Variants in NECAB2 observed in about 807,000 individuals in gnomAD.
NECAB2 encodes the protein N-terminal EF-hand calcium binding protein 2.
A neutral mutation model predicts 51.9 loss-of-function variants in NECAB2; 68 were observed. That is an observed-to-expected ratio of 1.31 (90% CI 1.08 to 1.60). The LOEUF (loss-of-function observed/expected upper bound fraction) is 1.60, where lower values mean the gene tolerates loss of function less well. Ranked by LOEUF, NECAB2 falls within the 40% of genes most tolerant of loss-of-function variation. NECAB2 has a pLI of 0.00. For synonymous variants in NECAB2, 329 were observed against 203.5 expected (o/e 1.62, Z -5.25); for missense variants, 854 against 490.3 (o/e 1.74, Z -7.00).
Position 83,995,646 on chromosome 16 carries a change from T to C in NECAB2, c.795+958T>C, listed in dbSNP as rs548306122. Among the ~76,000 whole-genome samples the C allele has an allele frequency of 3.9e-5, 6 of 152,264 alleles. No homozygotes were observed. The East Asian group carries it at 9.6e-4, about 24-fold the overall frequency. ...GGTGGTTTTATGTTTCTCCTACTTT[T>C]GTGTATTTTTTTTACACCCTTTGTA... On this transcript the variant is annotated intron_variant, in intron 8 of 12. Coordinates refer to ENST00000305202, the MANE Select transcript of NECAB2 (RefSeq NM_019065.3).
rs1415324578 is a variant in NECAB2 at position 84,000,922 on chromosome 16, G to A, written c.1040+121G>A. ...CCGAGTCCAGTCAGCAGATTCCCGA[G>A]GCATCTACCCGCTGGCATGCTTGCG... On this transcript the variant is annotated intron_variant, in intron 11 of 12. Transcript: ENST00000305202. 6 of 950,626 alleles carry A rather than the reference G, an allele frequency of 6.3e-6. No homozygotes were observed. In the Admixed American group the frequency reaches 8.2e-5, roughly 13 times the overall value. The allele number at this position is 950,626 out of a possible 1,614,324, so 58.9% of individuals were successfully genotyped here.
At chr16:84,000,040 C>T (rs1382401995) in intron 10 of NECAB2, among the ~76,000 whole-genome samples, 1 of 148,276 alleles carries the variant, frequency 6.7e-6, no homozygotes, top group African/African-American at 2.6e-5. Flanking sequence ...GGATGTGCCA[C>T]CAGGCCCAGC....
Position 83,975,389 on chromosome 16 carries a change from A to G in NECAB2, c.227-3055A>G, listed in dbSNP as rs538646767. ...AGGTGTGCAGGGGGTGCAGATGTGG[A>G]GGCCGATAGGCCCACAAGCACACAC... On this transcript the variant is annotated intron_variant, in intron 2 of 12. Coordinates refer to ENST00000305202, the MANE Select transcript of NECAB2 (RefSeq NM_019065.3). Among the ~76,000 whole-genome samples the G allele has an allele frequency of 4.3e-4, 65 of 152,068 alleles. 1 individual carries two copies. The highest frequency in any genetic ancestry group is 4.6e-4 in the Admixed American group (7 of 15,274).
intron 8 of NECAB2, 102 bp downstream of exon 8, chr16:83,994,790 A>G: frequency 7.5e-7 from 1 of 1,333,586 alleles, no homozygotes; most frequent in Non-Finnish European, 1.0e-6. Flanking sequence ...CAGAGGGGCC[A>G]GGGAACCATG....
intron 2 of NECAB2, among the ~76,000 whole-genome samples, chr16:83,972,597 C>G (rs541325042): frequency 6.6e-6 from 1 of 152,248 alleles, no homozygotes; most frequent in African/African-American, 2.4e-5. Flanking sequence ...TCGTAGCAAC[C>G]TGAGCAGTCA....
At chr16:83,996,998 G>C (rs2084710859) in intron 8 of NECAB2, among the ~76,000 whole-genome samples, 1 of 150,482 alleles carries the variant, frequency 6.6e-6, no homozygotes, top group African/African-American at 2.5e-5. Flanking sequence ...AGTCCCCCTT[G>C]CTGCCTCTCC....
chr16:83,988,145 T>G (rs1328413303), intron 5 of NECAB2, among the ~76,000 whole-genome samples: 1 of 152,238 alleles, frequency 6.6e-6, no homozygotes, highest in African/African-American at 2.4e-5. Flanking sequence ...TGGACCTTGT[T>G]TAATCAGATC....
intron 8 of NECAB2, among the ~76,000 whole-genome samples, chr16:83,995,877 T>C (rs964873044): frequency 1.7e-4 from 26 of 152,182 alleles, no homozygotes; most frequent in African/African-American, 6.3e-4. Context: ...GGGGACCCCG[T>C]GGCCCGGTTG....
chr16:83,968,949 C>G, intron 1 of NECAB2, 100 bp downstream of exon 1: 1 of 769,284 alleles, frequency 1.3e-6, no homozygotes, highest in Non-Finnish European at 1.6e-6. Context: ...CCGCGAGGCC[C>G]TCCCTACCCG....
At chr16:83,979,427 C>T (rs547337370) in intron 3 of NECAB2, among the ~76,000 whole-genome samples, 35 of 152,256 alleles carry the variant, frequency 2.3e-4, no homozygotes, top group Admixed American at 7.8e-4. Flanking sequence ...CCAGAGGCTG[C>T]GGCTGAGAGA....
intron 5 of NECAB2, among the ~76,000 whole-genome samples, chr16:83,985,487 G>C (rs2084541861): frequency 6.6e-6 from 1 of 151,366 alleles, no homozygotes; most frequent in Non-Finnish European, 1.5e-5. Flanking sequence ...ACAAAAATTA[G>C]CTGGGCGTGG....
At position 83,996,608 on chromosome 16, in the gene NECAB2, C is replaced by T. The variant is rs527740317; in HGVS notation, c.796-608C>T. ...TGAGCCTGTGCGTCAGGTAGACACA[C>T]TGGGTTCAGACCCACGCTCTGACAC... On this transcript the variant is annotated intron_variant, in intron 8 of 12. Coordinates refer to ENST00000305202, the MANE Select transcript of NECAB2 (RefSeq NM_019065.3). Among the ~76,000 whole-genome samples, 3 of 150,616 alleles carry T rather than the reference C, an allele frequency of 2.0e-5. No homozygotes were observed. The East Asian group carries it at 5.8e-4, about 29-fold the overall frequency.
At position 83,968,770 on chromosome 16, in the gene NECAB2, C is replaced by A; in HGVS notation, c.122C>A (p.Pro41His). ...TGGGTGGGCGCCAGGATGGGCGAGC[C>A]CCGGGAGTCGCTGGCCCCCGCCGCC... ...LRWVGARMGEPRESLAPAAPA... is the reference protein window; with the variant it reads ...LRWVGARMGEHRESLAPAAPA... The change falls in exon 1 of 13, where the codon CCC (proline) becomes CAC (histidine). Residue 41 changes from proline to histidine, a missense_variant. Pro to His is a moderately conservative substitution (Grantham distance 77). Coordinates refer to ENST00000305202, the MANE Select transcript of NECAB2 (RefSeq NM_019065.3). The A allele has an allele frequency of 1.8e-6, 2 of 1,099,126 alleles. No individual in the cohort carries two copies. Among genetic ancestry groups the A allele is most frequent in the Non-Finnish European group, 2.2e-6 (2 of 904,804 alleles). The allele number at this position is 1,099,126 out of a possible 1,614,324, so 68.1% of individuals were successfully genotyped here.
intron 3 of NECAB2, among the ~76,000 whole-genome samples, chr16:83,980,591 A>G (rs942472626): frequency 6.6e-6 from 1 of 151,874 alleles, no homozygotes; most frequent in Admixed American, 6.6e-5. Context: ...TCATTTATTC[A>G]TGATGGGGTC....
chr16:83,998,376 A>T (rs533602372), intron 10 of NECAB2, 59 bp downstream of exon 10: 1 of 1,522,956 alleles, frequency 6.6e-7, no homozygotes, highest in African/African-American at 1.4e-5. Context: ...CTGGCAGTGG[A>T]GGAACAGGGC....
rs372726634 is a variant in NECAB2, at chr16:83,998,357, G to T, written c.962+40G>T. ...GAGGCGTGGGTGGGATGGTGGCAGG[G>T]AGCTCTGCCTGGCAGTGGAGGAACA... On this transcript the variant is annotated intron_variant, in intron 10 of 12. Transcript: ENST00000305202. 1.8e-5 allele frequency: 29 copies of T among 1,590,758 alleles called. No individual in the cohort carries two copies. The African/African-American group carries it at 2.4e-4, about 13-fold the overall frequency.
chr16:83,979,134 C>G (rs938619438), intron 3 of NECAB2, among the ~76,000 whole-genome samples: 2 of 152,212 alleles, frequency 1.3e-5, no homozygotes, highest in Admixed American at 6.5e-5. Context: ...CTCAGACTTA[C>G]CCTTGACCCT....
At chr16:83,977,986 G>T (rs2084435351) in intron 2 of NECAB2, among the ~76,000 whole-genome samples, 1 of 152,182 alleles carries the variant, frequency 6.6e-6, no homozygotes, top group Non-Finnish European at 1.5e-5. Flanking sequence ...TGTGACATGG[G>T]ACAAGTTGCT....
intron 8 of NECAB2, among the ~76,000 whole-genome samples, chr16:83,996,251 T>C (rs1005660539): frequency 1.3e-5 from 2 of 152,180 alleles, no homozygotes; most frequent in African/African-American, 4.8e-5. Flanking sequence ...TGTAAAACCA[T>C]GGAAACAGAC....
Sources: allele counts gnomAD v4.1 joint callset (sites outside exome capture counted in the v4.1 genomes callset), GRCh38; gene constraint gnomAD v4.1.1; transcripts MANE v1.5; gene names NCBI Gene and HGNC (gene_info 2026-07-23, HGNC 2026-07-21).